STEAP3: variants seen among roughly 807,000 people sequenced by gnomAD.
The protein encoded by STEAP3 is STEAP3 metalloreductase.
Under a neutral mutation model 34.9 loss-of-function variants are expected in STEAP3, and 35 were observed. The ratio of observed to expected loss-of-function variants is 1.00; its 90% CI spans 0.76 to 1.33. The LOEUF is 1.33. Ranked by LOEUF, STEAP3 falls within the 40% of genes most tolerant of loss-of-function variation. The pLI is 0.00. For synonymous variants in STEAP3, 281 were observed against 301.6 expected (o/e 0.93, Z 0.71); for missense variants, 652 against 667.6 (o/e 0.98, Z 0.26).
chr2:119,228,060 C>T (rs549489470), intron 1 of STEAP3, among the ~76,000 whole-genome samples: 1 of 152,206 alleles, frequency 6.6e-6, no homozygotes, highest in South Asian at 2.1e-4. Flanking sequence ...GAACTCCTGA[C>T]CTCAGGTGAT....
At chr2:119,261,224 C>T (rs945769406) in intron 5 of STEAP3, among the ~76,000 whole-genome samples, 1 of 152,028 alleles carries the variant, frequency 6.6e-6, no homozygotes, top group Non-Finnish European at 1.5e-5. Flanking sequence ...AGAAACACTT[C>T]TGAGGGGAGT....
chr2:119,245,927 A>G lies in STEAP3; in HGVS notation c.461A>G (p.Lys154Arg), dbSNP rs1677409444. ...ASLFPTCTVV[K>R]AFNVISAWTL... ...CTCTTCCCCACTTGCACAGTGGTCA[A>G]GGCCTTCAATGTCATCTCTGCCTGG... The change falls in exon 3 of 6, where the codon AAG becomes AGG. Residue 154 changes from lysine to arginine, a missense_variant. Coordinates refer to ENST00000393110, the MANE Select transcript of STEAP3 (RefSeq NM_182915.3). 8 of 1,613,974 alleles carry G rather than the reference A, an allele frequency of 5.0e-6. No homozygotes were observed. The highest frequency in any genetic ancestry group is 6.8e-6 in the Non-Finnish European group (8 of 1,180,036).
chr2:119,235,229 T>C (rs756838359), intron 2 of STEAP3, among the ~76,000 whole-genome samples: 48 of 152,174 alleles, frequency 3.2e-4, no homozygotes, highest in Non-Finnish European at 3.5e-4. Context: ...ATGACTCTGA[T>C]TGCCTTCTTC....
In STEAP3 at chr2:119,265,531, C is replaced by G. The variant is rs1678084851; in HGVS notation, c.*2193C>G. On this transcript the variant is annotated 3_prime_UTR_variant, in exon 6 of 6. Transcript: ENST00000393110. ...GCCTCAACGACATGCTCTGGAAATC[C>G]CAAATGCCACAGTCTGAGGTTGATA... 1 of 152,274 alleles carries G rather than the reference C, an allele frequency of 6.6e-6. No individual in the cohort carries two copies. Among genetic ancestry groups the G allele is most frequent in the African/African-American group, 2.4e-5 (1 of 41,564 alleles). The allele number at this position is 152,274 out of a possible 1,614,324, so 9.4% of individuals were successfully genotyped here. A position where few individuals can be genotyped will look rare whatever the true frequency, so the allele number is the denominator to read the frequency against.
In STEAP3 at chr2:119,231,342, C is replaced by CGTGTGTGTGTGTGTGTGT. The variant is rs6146901; in HGVS notation, c.22+333_22+350dup. On this transcript the variant is annotated intron_variant, in intron 2 of 5. Coordinates refer to ENST00000393110, the MANE Select transcript of STEAP3 (RefSeq NM_182915.3). ...TTCAAGGATTTATCACACACAGTTGCGTGTGTGTGTGTGTGTGTGTGTGTG... is the reference window on the plus strand; with the variant it reads ...TTCAAGGATTTATCACACACAGTTGCGTGTGTGTGTGTGTGTGTGTGTGTGTGTGTGTGTGTGTGTGTG... Among the ~76,000 whole-genome samples, 1,116 of 143,564 alleles carry CGTGTGTGTGTGTGTGTGT rather than the reference C, an allele frequency of 7.8e-3. 14 individuals carry two copies. Among genetic ancestry groups the CGTGTGTGTGTGTGTGTGT allele is most frequent in the Non-Finnish European group, 0.01 (684 of 65,608 alleles). 94.2% of individuals were successfully genotyped at this position (143,564 alleles called of 152,430 possible).
chr2:119,263,753 T>G lies in STEAP3; in HGVS notation c.*415T>G. On this transcript the variant is annotated 3_prime_UTR_variant, in exon 6 of 6. Transcript: ENST00000393110. Reference sequence around the variant, plus strand: ...TCCCTGCCCACCCCACCCCCACAACTTCCCTTTTGCTACTTCCCCAAGGCT... The same window carrying G: ...TCCCTGCCCACCCCACCCCCACAACGTCCCTTTTGCTACTTCCCCAAGGCT... 1 of 305,910 alleles carries G rather than the reference T, an allele frequency of 3.3e-6. No individual in the cohort carries two copies. The allele number at this position is 305,910 out of a possible 1,614,324, so 18.9% of individuals were successfully genotyped here. A position where few individuals can be genotyped will look rare whatever the true frequency, so the allele number is the denominator to read the frequency against.
At chr2:119,253,143 A>G (rs1677674755) in intron 4 of STEAP3, among the ~76,000 whole-genome samples, 1 of 152,214 alleles carries the variant, frequency 6.6e-6, no homozygotes, top group African/African-American at 2.4e-5. Flanking sequence ...CAAAATCAAG[A>G]GAATTTCAGA....
Position 119,247,678 on chromosome 2 carries a change from G to A in STEAP3, c.523-1G>A. ...CTGACTGCCCCACTTTTCTCCCGCAGGTGCCCATCTGCGGTGACCAGCCAG... is the reference window on the plus strand; with the variant it reads ...CTGACTGCCCCACTTTTCTCCCGCAAGTGCCCATCTGCGGTGACCAGCCAG... On this transcript the variant is annotated splice_acceptor_variant, in intron 3 of 5. Coordinates refer to ENST00000393110, the MANE Select transcript of STEAP3 (RefSeq NM_182915.3). LOFTEE classifies it high-confidence loss of function. 1 of 1,519,046 alleles carries A rather than the reference G, an allele frequency of 6.6e-7. No individual in the cohort carries two copies. The highest frequency in any genetic ancestry group is 8.8e-7 in the Non-Finnish European group (1 of 1,138,756). 94.1% of individuals were successfully genotyped at this position (1,519,046 alleles called of 1,614,324 possible).
rs563023405 is a variant in STEAP3, at chr2:119,248,317, G to T, written c.1050+111G>T. ...ATACCCACGGGTGCAGCCTTACCAGGTGCCAACTGCAGATTCTGTTCCAAT... is the reference window on the plus strand; with the variant it reads ...ATACCCACGGGTGCAGCCTTACCAGTTGCCAACTGCAGATTCTGTTCCAAT... On this transcript the variant is annotated intron_variant, in intron 4 of 5. Coordinates refer to ENST00000393110, the MANE Select transcript of STEAP3 (RefSeq NM_182915.3). 241 of 1,255,968 alleles carry T rather than the reference G, an allele frequency of 1.9e-4. 3 individuals are homozygous for T. In the South Asian group the frequency reaches 3.3e-3, roughly 17 times the overall value. 77.8% of individuals were successfully genotyped at this position (1,255,968 alleles called of 1,614,324 possible).
At chr2:119,228,180 G>A (rs1377658277) in intron 1 of STEAP3, among the ~76,000 whole-genome samples, 2 of 152,162 alleles carry the variant, frequency 1.3e-5, no homozygotes, top group Non-Finnish European at 2.9e-5. Flanking sequence ...GTAGGCTGTG[G>A]GGAGTGGTGC....
chr2:119,257,746 C>T (rs1194426886), intron 5 of STEAP3: 2 of 1,380,024 alleles, frequency 1.4e-6, no homozygotes, highest in Non-Finnish European at 1.9e-6. Context: ...TACCTGAGCC[C>T]CATCACCCTC....
chr2:119,249,408 C>T (rs1027600647), intron 4 of STEAP3, among the ~76,000 whole-genome samples: 43 of 152,048 alleles, frequency 2.8e-4, no homozygotes, highest in Non-Finnish European at 3.4e-4. Flanking sequence ...TTTATTTTCT[C>T]CAAATTAATT....
At chr2:119,245,263 G>A (rs936220629) in intron 2 of STEAP3, 17 of 534,232 alleles carry the variant, frequency 3.2e-5, no homozygotes, top group African/African-American at 2.1e-4. Flanking sequence ...GACAAAGGGT[G>A]GAGGGCAGAA....
At chr2:119,240,498 G>A (rs1186780680) in intron 2 of STEAP3, among the ~76,000 whole-genome samples, 2 of 152,252 alleles carry the variant, frequency 1.3e-5, no homozygotes, top group African/African-American at 4.8e-5. Context: ...AAGGTGATCG[G>A]TGTCCATGAA....
Position 119,245,818 on chromosome 2 carries a change from G to A in STEAP3, c.352G>A (p.Gly118Ser). ...GTGCAGTCTCAGTGACCAGCTGGCG[G>A]GCAAGATCCTGGTGGATGTGAGCAA... is the stretch of plus-strand genomic sequence containing the variant. The part of the protein sequence containing the change: ...SLCSLSDQLA[G>S]KILVDVSNPT... Residue 118 changes from glycine (G) to serine (S), a missense_variant, in exon 3 of 6, where the codon GGC becomes AGC. Physicochemically the swap from Gly to Ser is moderately conservative, Grantham distance 56. Transcript: ENST00000393110. 6.2e-7 allele frequency: 1 copy of A among 1,614,150 alleles called. No homozygotes were observed. Among genetic ancestry groups the A allele is most frequent in the Non-Finnish European group, 8.5e-7 (1 of 1,180,034 alleles).
At chr2:119,237,344 G>A (rs1488900937) in intron 2 of STEAP3, among the ~76,000 whole-genome samples, 1 of 152,122 alleles carries the variant, frequency 6.6e-6, no homozygotes, top group African/African-American at 2.4e-5. Context: ...AGATCACCTG[G>A]GGAGAGAGGA....
intron 5 of STEAP3, among the ~76,000 whole-genome samples, chr2:119,256,128 G>A (rs905091795): frequency 2.6e-5 from 4 of 152,216 alleles, no homozygotes; most frequent in East Asian, 1.9e-4. Flanking sequence ...CAGGGAGGAC[G>A]TGGTACAGGA....
At position 119,263,090 on chromosome 2, in the gene STEAP3, A is replaced by G. The variant is rs756350021; in HGVS notation, c.1249A>G (p.Thr417Ala). 5.6e-6 allele frequency: 9 copies of G among 1,609,578 alleles called. No homozygotes were observed. Among genetic ancestry groups the G allele is most frequent in the Non-Finnish European group, 7.6e-6 (9 of 1,179,966 alleles). Residue 417 changes from threonine (T) to alanine (A), a missense_variant, in exon 6 of 6, where the codon ACA (threonine) becomes GCA (alanine). Coordinates refer to ENST00000393110, the MANE Select transcript of STEAP3 (RefSeq NM_182915.3). ...SLGFVALVLS[T>A]LHTLTYGWTR... ...GGGCTTTGTGGCCCTCGTGCTGAGCACACTGCACACGCTCACCTACGGCTG... is the reference window on the plus strand; with the variant it reads ...GGGCTTTGTGGCCCTCGTGCTGAGCGCACTGCACACGCTCACCTACGGCTG...
At chr2:119,258,439 G>A (rs1476033105) in intron 5 of STEAP3, among the ~76,000 whole-genome samples, 1 of 152,044 alleles carries the variant, frequency 6.6e-6, no homozygotes, top group Non-Finnish European at 1.5e-5. Context: ...CCATTCAGGT[G>A]AAGTCTCTCT....
Sources: allele counts gnomAD v4.1 joint callset (sites outside exome capture counted in the v4.1 genomes callset), GRCh38; gene constraint gnomAD v4.1.1; transcripts MANE v1.5; gene names NCBI Gene and HGNC (gene_info 2026-07-23, HGNC 2026-07-21).